ADAMTS17: variants seen among roughly 807,000 people sequenced by gnomAD.
ADAMTS17 encodes the protein ADAM metallopeptidase with thrombospondin type 1 motif 17, also known as A disintegrin and metalloproteinase with thrombospondin motifs 17.
ADAMTS17 carries 113 observed loss-of-function variants against 141.5 expected under a neutral mutation model. That is an observed-to-expected ratio of 0.80 (90% CI 0.69 to 0.93). The LOEUF is 0.93. ADAMTS17 is among the 40% of genes least tolerant of loss of function. The pLI is 0.00. For synonymous variants in ADAMTS17, 768 were observed against 630.6 expected, an observed-to-expected ratio of 1.22 and a Z score of -3.27; for missense variants, 1,659 against 1,517.9, an observed-to-expected ratio of 1.09 and a Z score of -1.54.
At chr15:100,279,486 G>T (rs1596434352) in intron 4 of ADAMTS17, among the ~76,000 whole-genome samples, 1 of 152,174 alleles carries the variant, frequency 6.6e-6, no homozygotes, top group East Asian at 1.9e-4. Flanking sequence ...GAAAACTCAG[G>T]CCCTGGGTCA....
chr15:100,272,841 G>C (rs528217271), intron 4 of ADAMTS17, among the ~76,000 whole-genome samples: 13 of 151,946 alleles, frequency 8.6e-5, no homozygotes, highest in Non-Finnish European at 1.6e-4. Context: ...TTTCATATAT[G>C]ACCTTTATAA....
intron 8 of ADAMTS17, among the ~76,000 whole-genome samples, chr15:100,174,212 C>A (rs1320174594): frequency 6.6e-6 from 1 of 152,206 alleles, no homozygotes; most frequent in African/African-American, 2.4e-5. Context: ...TGGTTAAAGT[C>A]AACATTCTCA....
chr15:100,172,773 T>G lies in ADAMTS17; in HGVS notation c.1182-17453A>C, dbSNP rs193006096. Among the ~76,000 whole-genome samples, 423 of 152,328 alleles carry G rather than the reference T, an allele frequency of 2.8e-3. 3 individuals carry two copies. The highest frequency in any genetic ancestry group is 1.0e-2 in the African/African-American group (414 of 41,582). On this transcript the variant is annotated intron_variant, in intron 8 of 21. Coordinates refer to ENST00000268070, the MANE Select transcript of ADAMTS17 (RefSeq NM_139057.4). The stretch of plus-strand genomic sequence containing the variant: ...GGAATAAGATCCCGCACCCCTCCCT[T>G]GTTCTGGTGTGCTCTCACCATTGTT...
chr15:100,286,985 C>T (rs990522719), intron 3 of ADAMTS17, among the ~76,000 whole-genome samples: 20 of 152,286 alleles, frequency 1.3e-4, no homozygotes, highest in South Asian at 4.1e-4. Flanking sequence ...GTCAAGAGAT[C>T]GAGACCATCC....
chr15:100,253,065 T>C (rs2043202229), intron 7 of ADAMTS17, among the ~76,000 whole-genome samples: 2 of 151,956 alleles, frequency 1.3e-5, no homozygotes, highest in African/African-American at 4.8e-5. Flanking sequence ...TTCATAACAG[T>C]ATATATTTTT....
chr15:100,106,123 A>T (rs1196615418), intron 14 of ADAMTS17, among the ~76,000 whole-genome samples: 1 of 152,096 alleles, frequency 6.6e-6, no homozygotes, highest in African/African-American at 2.4e-5. Flanking sequence ...CAGCCTCTGG[A>T]GTAGCTGGAA....
chr15:100,052,963 G>A (rs2032264835), intron 16 of ADAMTS17, among the ~76,000 whole-genome samples: 1 of 152,236 alleles, frequency 6.6e-6, no homozygotes, highest in South Asian at 2.1e-4. Flanking sequence ...GCCTCCTCAG[G>A]AGATTCCCTG....
intron 7 of ADAMTS17, among the ~76,000 whole-genome samples, chr15:100,240,325 T>C (rs2042791984): frequency 1.3e-5 from 2 of 152,228 alleles, no homozygotes; most frequent in African/African-American, 2.4e-5. Context: ...CAGCCCCAGA[T>C]GCCTTCAGCA....
chr15:100,011,041 C>G (rs533966067), intron 18 of ADAMTS17, among the ~76,000 whole-genome samples: 32 of 151,806 alleles, frequency 2.1e-4, no homozygotes, highest in Non-Finnish European at 4.1e-4. Flanking sequence ...AGAGAGGCCC[C>G]GCGACGCAGA....
In ADAMTS17 at chr15:99,997,359, T is replaced by A; in HGVS notation, c.2796+26A>T. The A allele has an allele frequency of 1.9e-6, 3 of 1,612,996 alleles. No individual in the cohort carries two copies. The highest frequency in any genetic ancestry group is 2.5e-6 in the Non-Finnish European group (3 of 1,179,644). On this transcript the variant is annotated intron_variant, in intron 19 of 21. Transcript: ENST00000268070. This position sits in a 1 kb window ranked among gnomAD's most constrained non-coding sequence, Gnocchi z 4.7. ...CCGTGTTGGAGTCCCTGTGGCTGAGTCCTGGTGGCAAGCCCAGGCACCCAC... is the reference window on the plus strand; with the variant it reads ...CCGTGTTGGAGTCCCTGTGGCTGAGACCTGGTGGCAAGCCCAGGCACCCAC...
At chr15:100,015,241 T>A (rs572389245) in intron 18 of ADAMTS17, among the ~76,000 whole-genome samples, 1 of 152,190 alleles carries the variant, frequency 6.6e-6, no homozygotes, top group African/African-American at 2.4e-5. Context: ...TTTACTTTAG[T>A]TTATGTGAGT....
intron 18 of ADAMTS17, among the ~76,000 whole-genome samples, chr15:100,020,755 G>A (rs779345889): frequency 2.0e-5 from 3 of 152,202 alleles, no homozygotes; most frequent in East Asian, 1.9e-4. Context: ...ATGTGGAGAC[G>A]GCTGAGGCCC....
rs755795895 is a variant in ADAMTS17, at chr15:100,180,651, C to T, written c.1181+18667G>A. ...AGTATTTATTCTTACAATTCATGAACGCTGAATATCTTTCCATTTTTTTTG... is the reference window on the plus strand; with the variant it reads ...AGTATTTATTCTTACAATTCATGAATGCTGAATATCTTTCCATTTTTTTTG... On this transcript the variant is annotated intron_variant, in intron 8 of 21. Coordinates refer to ENST00000268070, the MANE Select transcript of ADAMTS17 (RefSeq NM_139057.4). Among the ~76,000 whole-genome samples, 14 of 152,112 alleles carry T rather than the reference C, an allele frequency of 9.2e-5. No homozygotes were observed. The East Asian group carries it at 2.1e-3, about 23-fold the overall frequency.
In ADAMTS17 at chr15:99,975,139, G is replaced by C. The variant is rs1394737891; in HGVS notation, c.3128-577C>G. On this transcript the variant is annotated intron_variant, in intron 21 of 21. Coordinates refer to ENST00000268070, the MANE Select transcript of ADAMTS17 (RefSeq NM_139057.4). ...TCCCCTTCATTTTGGTGAGTTTCCA[G>C]CCTCAGGTAGGAAAATATTTCTCAG... Among the ~76,000 whole-genome samples the C allele has an allele frequency of 2.0e-5, 3 of 152,336 alleles. No individual in the cohort carries two copies. The South Asian group carries it at 6.2e-4, about 32-fold the overall frequency.
intron 15 of ADAMTS17, among the ~76,000 whole-genome samples, chr15:100,056,513 A>G (rs2032583120): frequency 6.6e-6 from 1 of 152,162 alleles, no homozygotes; most frequent in Non-Finnish European, 1.5e-5. Flanking sequence ...AGATTCTCAT[A>G]AGGCATGCAC....
chr15:99,984,486 A>G (rs886501940), intron 20 of ADAMTS17, among the ~76,000 whole-genome samples: 33 of 152,242 alleles, frequency 2.2e-4, no homozygotes, highest in African/African-American at 6.8e-4. Flanking sequence ...CCCATATAAG[A>G]AATGAGATTC....
intron 3 of ADAMTS17, among the ~76,000 whole-genome samples, chr15:100,319,812 C>A (rs985411093): frequency 3.9e-5 from 6 of 152,140 alleles, no homozygotes; most frequent in African/African-American, 1.4e-4. Flanking sequence ...CACCTATAAT[C>A]CCAGCCACTC....
intron 18 of ADAMTS17, among the ~76,000 whole-genome samples, chr15:100,005,972 C>T (rs1479285501): frequency 1.3e-5 from 2 of 152,098 alleles, no homozygotes; most frequent in African/African-American, 4.8e-5. Flanking sequence ...CCAGCCCCAG[C>T]CCCAGCCTGC....
intron 15 of ADAMTS17, among the ~76,000 whole-genome samples, chr15:100,065,218 C>G (rs888907882): frequency 3.3e-5 from 5 of 152,096 alleles, no homozygotes; most frequent in African/African-American, 1.2e-4. Flanking sequence ...TTTTCAACAC[C>G]TCTTAATGCA....
Sources: allele counts gnomAD v4.1 joint callset (sites outside exome capture counted in the v4.1 genomes callset), GRCh38; gene constraint gnomAD v4.1.1; non-coding constraint Gnocchi (gnomAD v3.1); transcripts MANE v1.5; gene names NCBI Gene and HGNC (gene_info 2026-07-23, HGNC 2026-07-21).